The following TTLL5 variants were observed in gnomAD, a reference collection of about 807,000 sequenced individuals.
The protein encoded by TTLL5 is tubulin polyglutamylase TTLL5.
In TTLL5, 132 loss-of-function variants were observed where a neutral mutation model predicts 168.4. The observed-to-expected ratio is 0.78, with a 90% CI of 0.68 to 0.91. The LOEUF (loss-of-function observed/expected upper bound fraction) is 0.91. Among genes scored for constraint, TTLL5 ranks in the 40% least tolerant of loss-of-function variants. The probability of loss-of-function intolerance (pLI) is 0.00; values close to 1 mark genes in which losing one functional copy is unlikely to be tolerated. For missense variants in TTLL5, 1,545 were observed against 1,581.5 expected, an observed-to-expected ratio of 0.98 and a Z score of 0.39; for synonymous variants, 546 against 558.6, an observed-to-expected ratio of 0.98 and a Z score of 0.32.
intron 18 of TTLL5, among the ~76,000 whole-genome samples, chr14:75,755,847 G>A (rs2140279586): frequency 6.6e-6 from 1 of 151,970 alleles, no homozygotes; most frequent in South Asian, 2.1e-4. Flanking sequence ...TTTCTTTTAG[G>A]TTAATTTTGA....
At chr14:75,928,760 A>G (rs2034171277) in intron 31 of TTLL5, among the ~76,000 whole-genome samples, 1 of 152,124 alleles carries the variant, frequency 6.6e-6, no homozygotes, top group Non-Finnish European at 1.5e-5. Flanking sequence ...TGTGATAGGA[A>G]GGGGAGTAGC....
At chr14:75,781,508 G>T (rs1222372964) in intron 24 of TTLL5, among the ~76,000 whole-genome samples, 1 of 152,106 alleles carries the variant, frequency 6.6e-6, no homozygotes, top group Non-Finnish European at 1.5e-5. Context: ...TATGATTCTA[G>T]CCCTTGACAA....
At chr14:75,783,599 A>C in intron 26 of TTLL5, 69 bp downstream of exon 26, 1 of 1,544,178 alleles carries the variant, frequency 6.5e-7, no homozygotes, top group Non-Finnish European at 8.7e-7. Flanking sequence ...AAAGGATGTC[A>C]TCTCTTCCCT....
intron 31 of TTLL5, among the ~76,000 whole-genome samples, chr14:75,926,368 C>G (rs766166868): frequency 6.6e-6 from 1 of 151,612 alleles, no homozygotes; most frequent in Non-Finnish European, 1.5e-5. Flanking sequence ...AATATTGTTA[C>G]GTGTGAATTT....
rs562792053 is a variant in TTLL5, at chr14:75,771,815, G to A, written c.2097G>A (p.Thr699=). The A allele has an allele frequency of 3.0e-5, 48 of 1,613,984 alleles. No individual in the cohort carries two copies. Among genetic ancestry groups the A allele is most frequent in the Non-Finnish European group, 3.9e-5 (46 of 1,179,954 alleles). Reference sequence around the variant, plus strand: ...TGATGAAAGACAGTGGCGGTCAGACGTTCAGTGCCAGTTGGGCTGCCAAAG... The same window carrying A: ...TGATGAAAGACAGTGGCGGTCAGACATTCAGTGCCAGTTGGGCTGCCAAAG... The part of the protein sequence containing the change: ...IRLMKDSGGQ[T]FSASWAAKED... The change falls in exon 21 of 32, where the codon ACG becomes ACA. Residue 699 remains threonine (T), a synonymous_variant. Transcript: ENST00000298832.
At chr14:75,733,865 T>C in intron 13 of TTLL5, 124 bp from the exon 14 acceptor site, 1 of 847,724 alleles carries the variant, frequency 1.2e-6, no homozygotes. Flanking sequence ...GTGGATTTTA[T>C]GGGCTTTATG....
intron 29 of TTLL5, among the ~76,000 whole-genome samples, chr14:75,872,912 CAAAAA>C (rs71119400): frequency 7.6e-6 from 1 of 131,262 alleles, no homozygotes; most frequent in African/African-American, 2.9e-5. Context: ...AACTCCATCT[CAAAAA>C]AAAAAAAAAA....
At chr14:75,917,636 G>A (rs1566659585) in intron 31 of TTLL5, among the ~76,000 whole-genome samples, 1 of 152,234 alleles carries the variant, frequency 6.6e-6, no homozygotes, top group Non-Finnish European at 1.5e-5. Flanking sequence ...TGGAGAGGGA[G>A]GATAAGGAGC....
chr14:75,773,949 G>GAGAGAA (rs1891523193), intron 21 of TTLL5, among the ~76,000 whole-genome samples: 172 of 46,224 alleles, frequency 3.7e-3, no homozygotes, highest in Middle Eastern at 9.4e-3. Context: ...GAGAGAGAGA[G>GAGAGAA]AGAGAGAAAG....
Position 75,793,085 on chromosome 14 carries a change from C to G in TTLL5, c.3156C>G (p.Asn1052Lys). 1 of 1,611,022 alleles carries G rather than the reference C, an allele frequency of 6.2e-7. No homozygotes were observed. Among genetic ancestry groups the G allele is most frequent in the Non-Finnish European group, 8.5e-7 (1 of 1,178,180 alleles). Residue 1052 changes from asparagine to lysine, a missense_variant, in exon 27 of 32, where the codon AAC becomes AAG. Coordinates refer to ENST00000298832, the MANE Select transcript of TTLL5 (RefSeq NM_015072.5). Reference protein sequence around the residue: ...ARQYSPSSHINLLTQQVTNLN... With the variant: ...ARQYSPSSHIKLLTQQVTNLN... Reference sequence around the variant, plus strand: ...AGTATTCTCCATCCAGCCACATCAACCTCCTCACCCAACAGGTACGGATGG... The same window carrying G: ...AGTATTCTCCATCCAGCCACATCAAGCTCCTCACCCAACAGGTACGGATGG...
intron 31 of TTLL5, among the ~76,000 whole-genome samples, chr14:75,908,463 C>T (rs543931613): frequency 6.6e-5 from 10 of 152,308 alleles, no homozygotes; most frequent in South Asian, 4.1e-4. Flanking sequence ...TAATCACGAA[C>T]GAATGTCATC....
At position 75,766,277 on chromosome 14, in the gene TTLL5, A is replaced by G. The variant is rs1286609816; in HGVS notation, c.1924A>G (p.Asn642Asp). 4 of 1,614,112 alleles carry G rather than the reference A, an allele frequency of 2.5e-6. No individual in the cohort carries two copies. In the East Asian group the frequency reaches 8.9e-5, roughly 36 times the overall value. The change falls in exon 20 of 32, where the codon AAT (asparagine) becomes GAT (aspartate). Residue 642 changes from asparagine (N) to aspartate (D), a missense_variant. Transcript: ENST00000298832. Reference protein sequence around the residue: ...ENSMKVREWNNKGGHCCKLET... With the variant: ...ENSMKVREWNDKGGHCCKLET... ...TTCCATGAAAGTTCGTGAATGGAATAATAAAGGTGGACACTGCTGCAAACT... is the reference window on the plus strand; with the variant it reads ...TTCCATGAAAGTTCGTGAATGGAATGATAAAGGTGGACACTGCTGCAAACT...
At position 75,699,258 on chromosome 14, in the gene TTLL5, C is replaced by T. The variant is rs992948596; in HGVS notation, c.573C>T (p.Tyr191=). 5.6e-6 allele frequency: 9 copies of T among 1,613,780 alleles called. No individual in the cohort carries two copies. The African/African-American group carries it at 9.3e-5, about 17-fold the overall frequency. Residue 191 remains tyrosine, a synonymous_variant, in exon 7 of 32, where the codon TAC becomes TAT. Transcript: ENST00000298832. ...CATCTTCAAGGGGGCGGGGCGTCTA[C>T]CTGATCAACAATGTAAGTATGCAGC... ...PVASSRGRGV[Y]LINNPNQISL... is the part of the protein sequence containing the mutation.
chr14:75,917,888 C>T (rs577416064), intron 31 of TTLL5, among the ~76,000 whole-genome samples: 18 of 152,154 alleles, frequency 1.2e-4, no homozygotes, highest in Admixed American at 3.9e-4. Context: ...ACAGAAACTC[C>T]GAGAAATCAG....
At chr14:75,897,727 C>T (rs2032734888) in intron 30 of TTLL5, among the ~76,000 whole-genome samples, 1 of 152,140 alleles carries the variant, frequency 6.6e-6, no homozygotes, top group Non-Finnish European at 1.5e-5. Context: ...CCTGCCTCAG[C>T]CTCCCAAAGT....
At chr14:75,873,519 T>C (rs993653739) in intron 29 of TTLL5, among the ~76,000 whole-genome samples, 12 of 152,244 alleles carry the variant, frequency 7.9e-5, no homozygotes, top group African/African-American at 2.9e-4. Context: ...ATTTTGTCAT[T>C]AGATTCTTTT....
At chr14:75,691,774 G>C (rs184905800) in intron 6 of TTLL5, among the ~76,000 whole-genome samples, 3 of 152,338 alleles carry the variant, frequency 2.0e-5, no homozygotes, top group Admixed American at 2.0e-4. Flanking sequence ...AGACGAAGTA[G>C]CATGGGGAGA....
chr14:75,675,723 G>C (rs1308379911), intron 3 of TTLL5, among the ~76,000 whole-genome samples: 3 of 152,146 alleles, frequency 2.0e-5, no homozygotes, highest in African/African-American at 7.2e-5. Context: ...CTCTTGTCAT[G>C]GGAGAGAAAG....
At chr14:75,829,759 A>G (rs560051301) in intron 28 of TTLL5, among the ~76,000 whole-genome samples, 1 of 152,318 alleles carries the variant, frequency 6.6e-6, no homozygotes, top group Admixed American at 6.5e-5. Context: ...AACAAAAAAG[A>G]AGATAATGTG....
Sources: gnomAD v4.1 joint callset for allele counts (sites outside exome capture counted in the v4.1 genomes callset) on GRCh38, gnomAD v4.1.1 for gene constraint, MANE v1.5 for transcripts, NCBI Gene and HGNC (gene_info 2026-07-23, HGNC 2026-07-21) for gene names.